BANK1: variants seen among roughly 807,000 people sequenced by gnomAD.
BANK1 encodes B cell scaffold protein with ankyrin repeats 1.
In BANK1, 95 loss-of-function variants were observed where a neutral mutation model predicts 94.5. That is an observed-to-expected ratio of 1.00 (90% CI 0.85 to 1.19). BANK1 has a LOEUF of 1.19. Ranked by LOEUF, BANK1 falls within the 50% of genes most tolerant of loss-of-function variation. The pLI is 0.00. For missense variants in BANK1, 987 were observed against 932.2 expected (o/e 1.06, Z -0.77); for synonymous variants, 334 against 308.4 (o/e 1.08, Z -0.87).
chr4:101,802,602 T>C (rs190052966), intron 1 of BANK1, among the ~76,000 whole-genome samples: 59 of 152,342 alleles, frequency 3.9e-4, no homozygotes, highest in African/African-American at 1.4e-3. Flanking sequence ...TGTTTGTATG[T>C]AGTAATGACC....
intron 7 of BANK1, among the ~76,000 whole-genome samples, chr4:101,928,924 CT>C (rs1723251025): frequency 7.9e-5 from 12 of 151,722 alleles, no homozygotes; most frequent in Admixed American, 7.9e-4. Context: ...TGAGGAATTT[CT>C]ACTTAGTTTA....
At chr4:101,993,346 A>C (rs942603513) in intron 7 of BANK1, among the ~76,000 whole-genome samples, 2 of 152,140 alleles carry the variant, frequency 1.3e-5, no homozygotes, top group African/African-American at 2.4e-5. Context: ...TTGGCAATTT[A>C]CTTTCTTCTC....
chr4:102,001,810 T>A (rs1042392609), intron 7 of BANK1, among the ~76,000 whole-genome samples: 1 of 151,946 alleles, frequency 6.6e-6, no homozygotes, highest in Non-Finnish European at 1.5e-5. Context: ...GACAAAAAAA[T>A]TGGGCAGCAT....
At chr4:101,955,816 A>C (rs942064339) in intron 7 of BANK1, among the ~76,000 whole-genome samples, 2 of 152,162 alleles carry the variant, frequency 1.3e-5, no homozygotes, top group African/African-American at 4.8e-5. Context: ...GCTTACATCC[A>C]AGTTCCATCA....
intron 6 of BANK1, among the ~76,000 whole-genome samples, chr4:101,904,443 ATTG>A (rs1722380827): frequency 2.0e-5 from 3 of 152,238 alleles, no homozygotes; most frequent in South Asian, 4.1e-4. Context: ...CTTAGTGGCC[ATTG>A]TTCTATCCAA....
intron 2 of BANK1, among the ~76,000 whole-genome samples, chr4:101,844,007 G>C (rs1382594977): frequency 6.6e-6 from 1 of 152,102 alleles, no homozygotes; most frequent in Non-Finnish European, 1.5e-5. Flanking sequence ...TTCCCCTTTG[G>C]CTTGGCTGCT....
In BANK1 at chr4:101,795,564, G is replaced by A. The variant is rs550063897; in HGVS notation, c.70+4614G>A. Reference sequence around the variant, plus strand: ...TTTTCTATTGATTGCATTTTATTTAGATTTAATATATTGATACAGTTTAAA... The same window carrying A: ...TTTTCTATTGATTGCATTTTATTTAAATTTAATATATTGATACAGTTTAAA... On this transcript the variant is annotated intron_variant, in intron 1 of 16. Coordinates refer to ENST00000322953, the MANE Select transcript of BANK1 (RefSeq NM_017935.5). 1.2e-3 allele frequency among the ~76,000 whole-genome samples: 183 copies of A among 152,170 alleles called. 2 individuals carry two copies. The highest frequency in any genetic ancestry group is 2.1e-4 in the Non-Finnish European group (14 of 67,998).
intron 7 of BANK1, among the ~76,000 whole-genome samples, chr4:101,965,548 C>A (rs1278258610): frequency 1.3e-5 from 2 of 152,032 alleles, no homozygotes; most frequent in Non-Finnish European, 2.9e-5. Flanking sequence ...TGTTACAAAA[C>A]AGCATCTTGG....
chr4:102,060,366 A>C lies in BANK1; in HGVS notation c.2125A>C (p.Ser709Arg), dbSNP rs1728377646. ...EKFKHWQMGK[S>R]GLEMIQQEKL... is the part of the protein sequence containing the mutation. ...ATTTAAACACTGGCAGATGGGAAAA[A>C]GTGGCCTGGAAATGATTCAGCAGGT... Residue 709 changes from serine to arginine, a missense_variant, in exon 12 of 17, where the codon AGT becomes CGT. Coordinates refer to ENST00000322953, the MANE Select transcript of BANK1 (RefSeq NM_017935.5). 7 of 1,609,358 alleles carry C rather than the reference A, an allele frequency of 4.3e-6. No homozygotes were observed. Among genetic ancestry groups the C allele is most frequent in the Non-Finnish European group, 5.9e-6 (7 of 1,178,278 alleles).
chr4:101,815,019 G>C (rs1213635002), intron 1 of BANK1, among the ~76,000 whole-genome samples: 1 of 152,130 alleles, frequency 6.6e-6, no homozygotes, highest in Admixed American at 6.6e-5. Context: ...GAGTTGTTAA[G>C]CAGTATTAAG....
intron 5 of BANK1, among the ~76,000 whole-genome samples, chr4:101,879,958 G>A (rs1728617480): frequency 6.6e-6 from 1 of 152,006 alleles, no homozygotes; most frequent in African/African-American, 2.4e-5. Context: ...GAAAAGCCAT[G>A]TATGACAAAC....
chr4:101,886,037 C>G (rs1308670260), intron 5 of BANK1, among the ~76,000 whole-genome samples: 1 of 152,140 alleles, frequency 6.6e-6, no homozygotes, highest in Non-Finnish European at 1.5e-5. Flanking sequence ...ATAGGCAGCT[C>G]TGTTATAATT....
At chr4:102,050,139 T>G (rs1021832835) in intron 11 of BANK1, among the ~76,000 whole-genome samples, 8 of 152,198 alleles carry the variant, frequency 5.3e-5, no homozygotes, top group Non-Finnish European at 1.2e-4. Flanking sequence ...CTTTCATTCC[T>G]GCTCTAAAAC....
chr4:101,870,127 A>G (rs1728230803), intron 4 of BANK1, among the ~76,000 whole-genome samples: 1 of 152,022 alleles, frequency 6.6e-6, no homozygotes, highest in East Asian at 1.9e-4. Context: ...TTGTTTTCAT[A>G]AGATAAATAA....
chr4:101,887,708 A>G (rs1728906114), intron 5 of BANK1, among the ~76,000 whole-genome samples: 1 of 152,310 alleles, frequency 6.6e-6, no homozygotes, highest in East Asian at 1.9e-4. Flanking sequence ...TTCTACAACT[A>G]TATGAAAACC....
intron 6 of BANK1, among the ~76,000 whole-genome samples, chr4:101,897,381 T>A (rs908130373): frequency 6.6e-6 from 1 of 151,994 alleles, no homozygotes; most frequent in African/African-American, 2.4e-5. Flanking sequence ...GAATTCCAGA[T>A]AAGATTAAAA....
intron 6 of BANK1, among the ~76,000 whole-genome samples, chr4:101,898,198 CAGCT>C: frequency 6.6e-6 from 1 of 151,998 alleles, no homozygotes; most frequent in South Asian, 2.1e-4. Flanking sequence ...GAATATGACT[CAGCT>C]AGGGTTTTGC....
intron 2 of BANK1, among the ~76,000 whole-genome samples, chr4:101,842,202 T>C (rs560459441): frequency 6.6e-6 from 1 of 152,334 alleles, no homozygotes; most frequent in Admixed American, 6.5e-5. Flanking sequence ...AAGAATCTGG[T>C]AGAACCCATG....
In BANK1 at chr4:102,025,434, A is replaced by T; in HGVS notation, c.1519A>T (p.Ser507Cys). The T allele has an allele frequency of 6.2e-7, 1 of 1,614,108 alleles. No homozygotes were observed. Among genetic ancestry groups the T allele is most frequent in the South Asian group, 1.1e-5 (1 of 91,070 alleles). ...TAATTCACAAGAGCCACTCATGAGC[A>T]GCAGACCTCCTCTCCCCCCGCCGCG... Reference protein sequence around the residue: ...ENNSQEPLMSSRPPLPPPRPV... With the variant: ...ENNSQEPLMSCRPPLPPPRPV... The change falls in exon 9 of 17, where the codon AGC becomes TGC. Residue 507 changes from serine to cysteine, a missense_variant. Transcript: ENST00000322953.
Sources: allele counts gnomAD v4.1 joint callset (sites outside exome capture counted in the v4.1 genomes callset), GRCh38; gene constraint gnomAD v4.1.1; transcripts MANE v1.5; gene names NCBI Gene and HGNC (gene_info 2026-07-23, HGNC 2026-07-21).